The following CACNA1A variants were observed in gnomAD, a reference collection of about 807,000 sequenced individuals.
CACNA1A encodes calcium voltage-gated channel subunit alpha1 A.
CACNA1A carries 57 observed loss-of-function variants against 262.4 expected under a neutral mutation model. The observed-to-expected ratio is 0.22, with a 90% CI of 0.18 to 0.27. The LOEUF is 0.27. Among genes scored for constraint, CACNA1A ranks in the 10% least tolerant of loss-of-function variants. The pLI is 1.00. For missense variants in CACNA1A, 2,526 were observed against 3,562.8 expected (o/e 0.71, Z 7.41); for synonymous variants, 1,431 against 1,419.3 (o/e 1.01, Z -0.18).
intron 3 of CACNA1A, among the ~76,000 whole-genome samples, chr19:13,402,664 C>G (rs536609444): frequency 2.0e-5 from 3 of 148,412 alleles, no homozygotes; most frequent in African/African-American, 7.5e-5. Flanking sequence ...ATAAAACATT[C>G]AATTATAATT....
intron 6 of CACNA1A, among the ~76,000 whole-genome samples, chr19:13,356,623 T>C (rs570804436): frequency 5.9e-5 from 9 of 152,334 alleles, no homozygotes; most frequent in Admixed American, 5.9e-4. Context: ...CCAGACGCTT[T>C]CTCTGGTCAT....
At chr19:13,374,320 T>C (rs2059370108) in intron 3 of CACNA1A, among the ~76,000 whole-genome samples, 1 of 152,168 alleles carries the variant, frequency 6.6e-6, no homozygotes, top group Non-Finnish European at 1.5e-5. Flanking sequence ...CAACAACAGC[T>C]CACTGCAGCC....
chr19:13,330,191 C>G (rs1600346608), intron 10 of CACNA1A, 53 bp downstream of exon 10: 1 of 1,346,738 alleles, frequency 7.4e-7, no homozygotes, highest in East Asian at 2.5e-5. Flanking sequence ...CCCACCATGT[C>G]TCTTGGGCGA....
chr19:13,227,696 T>A, intron 36 of CACNA1A, 169 bp from the exon 37 acceptor site: 1 of 354,056 alleles, frequency 2.8e-6, no homozygotes, highest in Non-Finnish European at 5.1e-6. Flanking sequence ...ATAAAATAGA[T>A]ATTTCAAATC....
chr19:13,332,894 G>A lies in CACNA1A; in HGVS notation c.1230C>T (p.Asp410=), dbSNP rs751952553. Reference sequence around the variant, plus strand: ...CATCAAAGGGATGCCTCTGCTCCCCGTCAGTTTCATCCTCGGCGAGGATCA... The same window carrying A: ...CATCAAAGGGATGCCTCTGCTCCCCATCAGTTTCATCCTCGGCGAGGATCA... ...EEVILAEDET[D]GEQRHPFDAL... is the part of the protein sequence containing the mutation. The change falls in exon 9 of 47, where the codon GAC becomes GAT. Residue 410 remains aspartate, a synonymous_variant. Transcript: ENST00000360228. The A allele has an allele frequency of 2.7e-5, 44 of 1,612,490 alleles. No homozygotes were observed. The South Asian group carries it at 4.1e-4, about 15-fold the overall frequency.
At chr19:13,458,592 T>C (rs963021503) in intron 1 of CACNA1A, among the ~76,000 whole-genome samples, 26 of 152,178 alleles carry the variant, frequency 1.7e-4, no homozygotes, top group African/African-American at 5.5e-4. Context: ...TAAGTATCTC[T>C]AGATGCCCCA....
At chr19:13,218,069 C>G (rs974953643) in intron 38 of CACNA1A, among the ~76,000 whole-genome samples, 1 of 151,800 alleles carries the variant, frequency 6.6e-6, no homozygotes, top group African/African-American at 2.4e-5. Context: ...AGTCACTGTA[C>G]CCGGCCAATA....
Position 13,308,349 on chromosome 19 carries a change from G to A in CACNA1A, c.1781+67C>T. 5 of 1,546,842 alleles carry A rather than the reference G, an allele frequency of 3.2e-6. No individual in the cohort carries two copies. The South Asian group carries it at 6.0e-5, about 18-fold the overall frequency. On this transcript the variant is annotated intron_variant, in intron 13 of 46. Transcript: ENST00000360228. The surrounding 1 kb of genome is among the most constrained non-coding windows in gnomAD (Gnocchi z 4.2). ...CGAGGCTCACTTTCCCAACTTTCTG[G>A]AGGCGGCCCCACCATGTCCCCCATC...
At chr19:13,273,579 A>G (rs904128980) in intron 24 of CACNA1A, 2 of 151,854 alleles carry the variant, frequency 1.3e-5, no homozygotes, top group African/African-American at 4.8e-5. Context: ...TTGTCCCCTA[A>G]TTTGATGTGC....
intron 38 of CACNA1A, among the ~76,000 whole-genome samples, chr19:13,222,156 T>C (rs1284993219): frequency 6.7e-6 from 1 of 150,230 alleles, no homozygotes. Context: ...ATCCACCCGC[T>C]TCAGCCTCCC....
At chr19:13,292,361 C>T (rs996973257) in intron 19 of CACNA1A, among the ~76,000 whole-genome samples, 4 of 152,100 alleles carry the variant, frequency 2.6e-5, no homozygotes, top group Non-Finnish European at 5.9e-5. Flanking sequence ...TCCTGTAATC[C>T]CAGCACTTTG....
intron 1 of CACNA1A, among the ~76,000 whole-genome samples, chr19:13,490,909 A>G (rs1286104276): frequency 4.4e-5 from 6 of 136,470 alleles, no homozygotes. Context: ...AGGAAGGAAG[A>G]AGGAAGGGAG....
chr19:13,318,215 A>G (rs2058166173), intron 10 of CACNA1A, among the ~76,000 whole-genome samples: 2 of 152,172 alleles, frequency 1.3e-5, no homozygotes, highest in Non-Finnish European at 2.9e-5. Context: ...ATTAAATTGC[A>G]TGGTCAAGGT....
chr19:13,413,885 G>GA (rs1555783286), intron 3 of CACNA1A, among the ~76,000 whole-genome samples: 5,323 of 106,818 alleles, frequency 0.05, 499 homozygotes, highest in East Asian at 0.15. Flanking sequence ...TGTCAAGAAA[G>GA]AAAGAAAGAA....
intron 3 of CACNA1A, among the ~76,000 whole-genome samples, chr19:13,420,897 C>G (rs1028887001): frequency 2.0e-5 from 3 of 152,156 alleles, no homozygotes; most frequent in Non-Finnish European, 1.5e-5. Flanking sequence ...ACCACTCCCC[C>G]ATCCCCCACC....
chr19:13,234,676 A>G (rs1481258117), intron 34 of CACNA1A: 1 of 507,002 alleles, frequency 2.0e-6, no homozygotes, highest in Non-Finnish European at 3.6e-6. Flanking sequence ...GGCCACCCCC[A>G]CACCAGAAAA....
intron 34 of CACNA1A, 45 bp downstream of exon 34, chr19:13,234,876 C>T: frequency 7.5e-7 from 1 of 1,341,924 alleles, no homozygotes; most frequent in Non-Finnish European, 1.1e-6. Context: ...AGGCAGGCAC[C>T]CCACCCCACG....
At chr19:13,380,813 G>T (rs979295797) in intron 3 of CACNA1A, among the ~76,000 whole-genome samples, 8 of 150,680 alleles carry the variant, frequency 5.3e-5, no homozygotes, top group Non-Finnish European at 1.5e-5. Flanking sequence ...TCTCCCTGTT[G>T]TCTAGGCTGG....
intron 6 of CACNA1A, among the ~76,000 whole-genome samples, chr19:13,345,873 A>G (rs1329007751): frequency 1.4e-5 from 2 of 146,516 alleles, no homozygotes; most frequent in East Asian, 4.0e-4. Flanking sequence ...CATAAATTAT[A>G]TAGGCTGTCT....
Sources: gnomAD v4.1 joint callset for allele counts (sites outside exome capture counted in the v4.1 genomes callset) on GRCh38, gnomAD v4.1.1 for gene constraint, Gnocchi (gnomAD v3.1) non-coding constraint, MANE v1.5 for transcripts, NCBI Gene and HGNC (gene_info 2026-07-23, HGNC 2026-07-21) for gene names.